The following TTN variants were observed in gnomAD, a reference collection of about 807,000 sequenced individuals.
TTN encodes the protein titin.
Under a neutral mutation model 3,223.0 loss-of-function variants are expected in TTN, and 1,525 were observed. The ratio of observed to expected loss-of-function variants is 0.47; its 90% CI spans 0.45 to 0.49. The LOEUF is 0.49. TTN is among the 20% of genes least tolerant of loss of function. TTN has a pLI of 0.00. For missense variants in TTN, 40,786 were observed against 43,424.0 expected, an observed-to-expected ratio of 0.94 and a Z score of 5.40; for synonymous variants, 14,094 against 15,161.0, an observed-to-expected ratio of 0.93 and a Z score of 5.17.
rs777188146 is a variant in TTN at position 178,591,464 on chromosome 2, A to G, written c.60261T>C (p.Gly20087=). The G allele has an allele frequency of 1.1e-5, 18 of 1,588,176 alleles. No homozygotes were observed. In the South Asian group the frequency reaches 2.0e-4, roughly 17 times the overall value. ...SVELDVKLIE[G]LVVKAGTTVR... ...CTGTGGTTCCAGCCTTTACCACAAGACCTTCAATTAATTTCACATCTAGCT... is the reference window on the plus strand; with the variant it reads ...CTGTGGTTCCAGCCTTTACCACAAGGCCTTCAATTAATTTCACATCTAGCT... The change falls in exon 304 of 363, where the codon GGT becomes GGC. Residue 20087 remains glycine (G), a synonymous_variant. Coordinates refer to ENST00000589042, the MANE Select transcript of TTN (RefSeq NM_001267550.2).
intron 250 of TTN, 32 bp from the exon 251 acceptor site, chr2:178,618,885 G>A (rs769397464): frequency 3.8e-6 from 6 of 1,597,206 alleles, no homozygotes; most frequent in Non-Finnish European, 4.3e-6. Context: ...GAACGCTTTC[G>A]ACTATTAAAC....
chr2:178,646,022 G>A lies in TTN; in HGVS notation c.40306C>T (p.Pro13436Ser), dbSNP rs776037231. The change falls in exon 217 of 363, where the codon CCT becomes TCT. Residue 13436 changes from proline to serine, a missense_variant. Pro to Ser is a moderately conservative substitution (Grantham distance 74). Coordinates refer to ENST00000589042, the MANE Select transcript of TTN (RefSeq NM_001267550.2). ...PEEIPVKEPE[P>S]EKVIEKPKLK... ...TTTGGCTTCTCAATAACCTTTTCAG[G>A]TTCAGGTTCTTGAAAGAGTATTTCA... 6.4e-7 allele frequency: 1 copy of A among 1,551,320 alleles called. No individual in the cohort carries two copies. Among genetic ancestry groups the A allele is most frequent in the Non-Finnish European group, 8.7e-7 (1 of 1,153,890 alleles).
chr2:178,639,322 A>G (rs1237458063), intron 223 of TTN, among the ~76,000 whole-genome samples: 2 of 152,048 alleles, frequency 1.3e-5, no homozygotes, highest in Non-Finnish European at 2.9e-5. Flanking sequence ...AAAAAAGAGA[A>G]ATTGTTCCAA....
At chr2:178,668,677 A>T (rs1244153759) in intron 159 of TTN, among the ~76,000 whole-genome samples, 1 of 151,036 alleles carries the variant, frequency 6.6e-6, no homozygotes, top group Non-Finnish European at 1.5e-5. Context: ...GGTTGCAGTG[A>T]GCCAAGATCG....
intron 80 of TTN, 60 bp from the exon 81 acceptor site, chr2:178,720,324 T>G: frequency 1.3e-6 from 2 of 1,591,854 alleles, no homozygotes; most frequent in South Asian, 2.3e-5. Flanking sequence ...ACACAAGTTA[T>G]TAGTTAGGCA....
Position 178,714,022 on chromosome 2 carries a change from C to T in TTN, c.26636G>A (p.Ser8879Asn). The change falls in exon 92 of 363, where the codon AGC becomes AAC. Residue 8879 changes from serine (S) to asparagine (N), a missense_variant. Transcript: ENST00000589042. ...AAGGCCGGATACTTTGTTGAAGAAG[C>T]TTATTTTGTATTTGTTGTCACTTGT... ...ELTSDNKYKISFFNKVSGLKI... is the reference protein window; with the variant it reads ...ELTSDNKYKINFFNKVSGLKI... The T allele has an allele frequency of 6.2e-7, 1 of 1,613,518 alleles. No homozygotes were observed. The highest frequency in any genetic ancestry group is 8.5e-7 in the Non-Finnish European group (1 of 1,179,652).
In TTN at chr2:178,667,516, G is replaced by T. The variant is rs756369687; in HGVS notation, c.35639C>A (p.Pro11880Gln). 2.5e-6 allele frequency: 4 copies of T among 1,597,484 alleles called. No homozygotes were observed. In the East Asian group the frequency reaches 6.7e-5, roughly 27 times the overall value. The part of the protein sequence containing the change: ...TKPKLAKVPE[P>Q]PKKVVPEDKI... The stretch of plus-strand genomic sequence containing the variant: ...GTCTTCTGGAACAACTTTCTTGGGT[G>T]GCTCAGGCACTTAAAAGATATGAGT... The change falls in exon 161 of 363, where the codon CCA (proline) becomes CAA (glutamine). Residue 11880 changes from proline to glutamine, a missense_variant. Pro to Gln is a moderately conservative substitution (Grantham distance 76). Transcript: ENST00000589042.
At chr2:178,750,365 C>A (rs1331367125) in intron 47 of TTN, 5 of 1,613,000 alleles carry the variant, frequency 3.1e-6, no homozygotes, top group Non-Finnish European at 4.2e-6. Flanking sequence ...AGTAATAGAA[C>A]CTTCATTCTG....
chr2:178,803,185 T>C (rs2094150141), intron 2 of TTN, among the ~76,000 whole-genome samples: 2 of 152,226 alleles, frequency 1.3e-5, no homozygotes, highest in South Asian at 4.1e-4. Context: ...TATTTTGTTG[T>C]TTATACATTA....
In TTN at chr2:178,580,581, G is replaced by T. The variant is rs1380514691; in HGVS notation, c.66798C>A (p.Asp22266Glu). The T allele has an allele frequency of 6.2e-7, 1 of 1,611,292 alleles. No individual in the cohort carries two copies. Among genetic ancestry groups the T allele is most frequent in the African/African-American group, 1.3e-5 (1 of 74,922 alleles). Residue 22266 changes from aspartate (D) to glutamate (E), a missense_variant, in exon 317 of 363, where the codon GAC becomes GAA. By Grantham distance (45) the Asp-to-Glu change is conservative (BLOSUM62 2). Coordinates refer to ENST00000589042, the MANE Select transcript of TTN (RefSeq NM_001267550.2). ...CACGTAATATGAGTGTCTTCCTTAA[G>T]TCCGCATCAAGTTCTCCCTCAGGTG... The part of the protein sequence containing the change: ...LIPPEGELDA[D>E]LRKTLILRAG...
chr2:178,802,254 T>A lies in TTN; in HGVS notation c.179A>T (p.Asp60Val), dbSNP rs754533155. The A allele has an allele frequency of 6.2e-7, 1 of 1,613,938 alleles. No homozygotes were observed. Among genetic ancestry groups the A allele is most frequent in the Non-Finnish European group, 8.5e-7 (1 of 1,179,962 alleles). Residue 60 changes from aspartate to valine, a missense_variant, in exon 3 of 363, where the codon GAT becomes GTT. By Grantham distance (152) the Asp-to-Val change is radical. Transcript: ENST00000589042. ...TLPGVQISFS[D>V]GRAKLTIPAV... ...GGGGATCGTCAGTTTAGCGCGGCCA[T>A]CGCTAAAGGAGATCTGCACGCCGGG...
chr2:178,768,715 C>G lies in TTN; in HGVS notation c.9121G>C (p.Val3041Leu). Residue 3041 changes from valine to leucine, a missense_variant, in exon 38 of 363, where the codon GTG (valine) becomes CTG (leucine). By Grantham distance (32) the Val-to-Leu change is conservative. Transcript: ENST00000589042. ...GCTGTTGATGTTGCTTTTCCAGCCA[C>G]AAAGGTGTAGTCAGCAGCATCCCCA... ...HFGDAADYTFVAGKATSTATL... is the reference protein window; with the variant it reads ...HFGDAADYTFLAGKATSTATL... 6.2e-7 allele frequency: 1 copy of G among 1,614,086 alleles called. No individual in the cohort carries two copies. The highest frequency in any genetic ancestry group is 8.5e-7 in the Non-Finnish European group (1 of 1,180,010).
chr2:178,634,233 G>T lies in TTN; in HGVS notation c.42415+133C>A, dbSNP rs2060143796. On this transcript the variant is annotated intron_variant, in intron 230 of 362. Coordinates refer to ENST00000589042, the MANE Select transcript of TTN (RefSeq NM_001267550.2). The surrounding 1 kb of genome is among the most constrained non-coding windows in gnomAD (Gnocchi z 4.6). ...AGCTCCACTAAAAACAAATTAAGGG[G>T]GGTTGTTTTGGTAACACTGTGAAAG... The T allele has an allele frequency of 6.8e-7, 1 of 1,472,960 alleles. No individual in the cohort carries two copies. The highest frequency in any genetic ancestry group is 2.4e-5 in the East Asian group (1 of 41,458). The allele number at this position is 1,472,960 out of a possible 1,614,324, so 91.2% of individuals were successfully genotyped here.
At chr2:178,786,627 A>G (rs2093204206) in intron 13 of TTN, among the ~76,000 whole-genome samples, 1 of 152,212 alleles carries the variant, frequency 6.6e-6, no homozygotes, top group Non-Finnish European at 1.5e-5. Context: ...ACAGAGTTAT[A>G]TGGTTGCATG....
Position 178,556,857 on chromosome 2 carries a change from C to G in TTN, c.88297G>C (p.Asp29433His), listed in dbSNP as rs189202799. 6.2e-7 allele frequency: 1 copy of G among 1,613,372 alleles called. No homozygotes were observed. Among genetic ancestry groups the G allele is most frequent in the African/African-American group, 1.3e-5 (1 of 75,024 alleles). The change falls in exon 330 of 363, where the codon GAT becomes CAT. Residue 29433 changes from aspartate to histidine, a missense_variant. Physicochemically the swap from Asp to His is moderately conservative, Grantham distance 81. Coordinates refer to ENST00000589042, the MANE Select transcript of TTN (RefSeq NM_001267550.2). ...SEVVGPITCI[D>H]SYGGPVIDLP... The stretch of plus-strand genomic sequence containing the variant: ...TGCTAAGCATGCTTACCATAAGAAT[C>G]GATGCAAGTAATGGGCCCTACAACC...
In TTN at chr2:178,553,228, G is replaced by T; in HGVS notation, c.89672C>A (p.Thr29891Asn). Residue 29891 changes from threonine to asparagine, a missense_variant, in exon 335 of 363, where the codon ACT becomes AAT. By Grantham distance (65) the Thr-to-Asn change is moderately conservative. Transcript: ENST00000589042. Reference sequence around the variant, plus strand: ...AATGGTGAGTAATGAGGATGAATCAGTGTTTTCAATGCTGTATCTGGCATC... The same window carrying T: ...AATGGTGAGTAATGAGGATGAATCATTGTTTTCAATGCTGTATCTGGCATC... ...GSDARYSIENTDSSSLLTIPQ... is the reference protein window; with the variant it reads ...GSDARYSIENNDSSSLLTIPQ... The T allele has an allele frequency of 6.2e-7, 1 of 1,613,638 alleles. No homozygotes were observed. Among genetic ancestry groups the T allele is most frequent in the Non-Finnish European group, 8.5e-7 (1 of 1,179,814 alleles).
rs1268716038 is a variant in TTN at position 178,533,420 on chromosome 2, C to G, written c.103195G>C (p.Asp34399His). ...IPPPTLKWEKDGQPLSLGPNI... is the reference protein window; with the variant it reads ...IPPPTLKWEKHGQPLSLGPNI... The stretch of plus-strand genomic sequence containing the variant: ...GGCCCGAGGGACAGTGGCTGACCAT[C>G]TTTCTCCCATTTTAATGTTGGTGGG... Residue 34399 changes from aspartate to histidine, a missense_variant, in exon 358 of 363, where the codon GAT (aspartate) becomes CAT (histidine). Transcript: ENST00000589042. 2 of 1,613,898 alleles carry G rather than the reference C, an allele frequency of 1.2e-6. No homozygotes were observed. The highest frequency in any genetic ancestry group is 1.7e-6 in the Non-Finnish European group (2 of 1,179,842).
rs753698916 is a variant in TTN, at chr2:178,729,270, G to T, written c.18868+18C>A. The stretch of plus-strand genomic sequence containing the variant: ...TTACAGAATTTTTATTTGATAGGCT[G>T]CTTCTTGTATAACTGACCTTTCAGG... On this transcript the variant is annotated intron_variant, in intron 64 of 362. Transcript: ENST00000589042. 1 of 1,572,458 alleles carries T rather than the reference G, an allele frequency of 6.4e-7. No homozygotes were observed. Among genetic ancestry groups the T allele is most frequent in the Admixed American group, 1.9e-5 (1 of 53,130 alleles).
intron 312 of TTN, 40 bp downstream of exon 312, chr2:178,583,567 G>A: frequency 6.7e-7 from 1 of 1,481,892 alleles, no homozygotes; most frequent in Non-Finnish European, 9.0e-7. Flanking sequence ...CATCATGAAT[G>A]CTGTTACATC....
Sources: allele counts gnomAD v4.1 joint callset (sites outside exome capture counted in the v4.1 genomes callset), GRCh38; gene constraint gnomAD v4.1.1; non-coding constraint Gnocchi (gnomAD v3.1); transcripts MANE v1.5; gene names NCBI Gene and HGNC (gene_info 2026-07-23, HGNC 2026-07-21).